SRGAP3: variants seen among roughly 807,000 people sequenced by gnomAD.
The protein encoded by SRGAP3 is SLIT-ROBO Rho GTPase activating protein 3, also known as SLIT-ROBO Rho GTPase-activating protein 3.
A neutral mutation model predicts 121.1 loss-of-function variants in SRGAP3; 39 were observed. That is an observed-to-expected ratio of 0.32 (90% CI 0.25 to 0.42). SRGAP3 has a LOEUF of 0.42. Ranked by LOEUF, SRGAP3 falls within the 10% of genes least tolerant of loss-of-function variation. SRGAP3 has a pLI of 1.00. For synonymous variants in SRGAP3, 601 were observed against 570.0 expected, an observed-to-expected ratio of 1.05 and a Z score of -0.77; for missense variants, 1,213 against 1,470.6, an observed-to-expected ratio of 0.82 and a Z score of 2.86.
At chr3:9,169,609 C>T (rs1213191522) in intron 1 of SRGAP3, among the ~76,000 whole-genome samples, 2 of 152,182 alleles carry the variant, frequency 1.3e-5, no homozygotes, top group Non-Finnish European at 2.9e-5. Flanking sequence ...AAATAATTCC[C>T]TCCAGTGCCA....
chr3:9,202,580 A>G (rs967522650), intron 1 of SRGAP3, among the ~76,000 whole-genome samples: 1 of 152,234 alleles, frequency 6.6e-6, no homozygotes, highest in Admixed American at 6.5e-5. Context: ...GCCAAGGCAC[A>G]GACCTCCACA....
chr3:9,000,548 A>G (rs923053566), intron 18 of SRGAP3, among the ~76,000 whole-genome samples: 4 of 152,222 alleles, frequency 2.6e-5, no homozygotes, highest in African/African-American at 9.6e-5. Context: ...CAGAGCTTGG[A>G]GAAGTTCAAG....
chr3:9,107,336 G>T (rs1418758377), intron 2 of SRGAP3, among the ~76,000 whole-genome samples: 2 of 152,196 alleles, frequency 1.3e-5, no homozygotes, highest in African/African-American at 4.8e-5. Flanking sequence ...GAGGAAGGTG[G>T]TTCCAGTCTA....
intron 4 of SRGAP3, among the ~76,000 whole-genome samples, chr3:9,071,396 G>A (rs767870918): frequency 8.5e-5 from 13 of 152,114 alleles, no homozygotes; most frequent in Admixed American, 3.9e-4. Context: ...TGGCCAATCC[G>A]TAAACTTATG....
chr3:9,089,292 C>CGGGGGGGGGG, intron 3 of SRGAP3, among the ~76,000 whole-genome samples: 10 of 8,346 alleles, frequency 1.2e-3, no homozygotes, highest in Admixed American at 5.5e-3. Context: ...GTGGGGTGGG[C>CGGGGGGGGGG]GGGGGGGGGG....
At chr3:9,245,632 T>C (rs1953791104) in intron 1 of SRGAP3, among the ~76,000 whole-genome samples, 2 of 151,962 alleles carry the variant, frequency 1.3e-5, no homozygotes, top group African/African-American at 2.4e-5. Context: ...TAAGAAAAAA[T>C]GCTTACAAGG....
rs58513574 is a variant in SRGAP3 at position 9,144,085 on chromosome 3, A to G, written c.68-19168T>C. Among the ~76,000 whole-genome samples the G allele has an allele frequency of 2.1e-3, 322 of 152,060 alleles. 1 individual carries two copies. Among genetic ancestry groups the G allele is most frequent in the African/African-American group, 7.2e-3 (300 of 41,448 alleles). On this transcript the variant is annotated intron_variant, in intron 1 of 21. Coordinates refer to ENST00000383836, the MANE Select transcript of SRGAP3 (RefSeq NM_014850.4). ...AATATTTTCAGATCAATTCTTCTTT[A>G]GAACGCAAAAATCAAATTCATGCTA...
chr3:9,027,784 T>C (rs2252575), intron 12 of SRGAP3, among the ~76,000 whole-genome samples: 32,015 of 152,212 alleles, frequency 0.21, 3,689 homozygotes, highest in East Asian at 0.33. Context: ...TCTCTGTTAT[T>C]CCAGGTCACT....
At position 8,981,377 on chromosome 3, in the gene SRGAP3, G is replaced by A. The variant is rs888862708; in HGVS notation, c.*4142C>T. 2.1e-5 allele frequency: 5 copies of A among 232,624 alleles called. No individual in the cohort carries two copies. The highest frequency in any genetic ancestry group is 6.1e-5 in the East Asian group (1 of 16,522). 14.4% of individuals were successfully genotyped at this position (232,624 alleles called of 1,614,324 possible). A position where few individuals can be genotyped will look rare whatever the true frequency, so the allele number is the denominator to read the frequency against. ...CAGCAGGGGCTAACCCCATGGTTGT[G>A]AGCCAGCCACTCTTCTTTCTGGGTT... On this transcript the variant is annotated 3_prime_UTR_variant, in exon 22 of 22. Coordinates refer to ENST00000383836, the MANE Select transcript of SRGAP3 (RefSeq NM_014850.4).
chr3:9,203,352 T>C (rs1382016910), intron 1 of SRGAP3, among the ~76,000 whole-genome samples: 2 of 152,206 alleles, frequency 1.3e-5, no homozygotes, highest in Non-Finnish European at 2.9e-5. Context: ...ACTTAACCTC[T>C]CTGAATCAAT....
chr3:9,212,906 G>C (rs1012804047), intron 1 of SRGAP3, among the ~76,000 whole-genome samples: 18 of 152,316 alleles, frequency 1.2e-4, no homozygotes, highest in Middle Eastern at 6.8e-3. Flanking sequence ...GGGAAACCAG[G>C]CTACAAAGCA....
At chr3:9,209,429 G>A (rs1952369520) in intron 1 of SRGAP3, among the ~76,000 whole-genome samples, 1 of 152,176 alleles carries the variant, frequency 6.6e-6, no homozygotes, top group South Asian at 2.1e-4. Flanking sequence ...TTCTAATAAT[G>A]AGAGACATTC....
At chr3:9,065,560 T>G (rs1017726018) in intron 4 of SRGAP3, 6 of 152,234 alleles carry the variant, frequency 3.9e-5, no homozygotes, top group African/African-American at 1.4e-4. Flanking sequence ...TGGTTTTGTG[T>G]GTTCTAGAAT....
intron 1 of SRGAP3, among the ~76,000 whole-genome samples, chr3:9,140,176 G>A (rs985057516): frequency 2.0e-5 from 3 of 151,872 alleles, no homozygotes; most frequent in Non-Finnish European, 2.9e-5. Flanking sequence ...TATGTGCAGG[G>A]AGACTTATCA....
At chr3:9,271,510 T>A (rs1436113674) in intron 3 of SRGAP3, among the ~76,000 whole-genome samples, 1 of 152,120 alleles carries the variant, frequency 6.6e-6, no homozygotes, top group Non-Finnish European at 1.5e-5. Context: ...TGTGGATAAT[T>A]CAGAAGGACC....
At chr3:9,277,354 G>T (rs916226669) in intron 3 of SRGAP3, among the ~76,000 whole-genome samples, 2 of 151,828 alleles carry the variant, frequency 1.3e-5, no homozygotes, top group Non-Finnish European at 2.9e-5. Flanking sequence ...AATCCCAGCA[G>T]TTTGGGAGGC....
At chr3:9,349,404 G>T (rs370403452) in intron 1 of SRGAP3, among the ~76,000 whole-genome samples, 27 of 152,252 alleles carry the variant, frequency 1.8e-4, no homozygotes, top group African/African-American at 6.5e-4. Context: ...GCACTTCTAG[G>T]GCAAGGCTTC....
At chr3:9,242,077 CAAA>C (rs142186507) in intron 1 of SRGAP3, among the ~76,000 whole-genome samples, 3 of 68,512 alleles carry the variant, frequency 4.4e-5, no homozygotes. Flanking sequence ...CACCCTAATT[CAAA>C]AAAAAAAAAA....
intron 1 of SRGAP3, among the ~76,000 whole-genome samples, chr3:9,158,259 G>A (rs1269384446): frequency 2.0e-5 from 3 of 152,196 alleles, no homozygotes; most frequent in Non-Finnish European, 4.4e-5. Flanking sequence ...TTTACAAGGA[G>A]GTGGGGTGGG....
Sources: gnomAD v4.1 joint callset for allele counts (sites outside exome capture counted in the v4.1 genomes callset) on GRCh38, gnomAD v4.1.1 for gene constraint, MANE v1.5 for transcripts, NCBI Gene and HGNC (gene_info 2026-07-23, HGNC 2026-07-21) for gene names.